Variants in RBFOX1 observed in about 807,000 individuals in gnomAD.
RBFOX1 encodes RNA binding fox-1 homolog 1, also known as RNA binding protein fox-1 homolog 1.
RBFOX1 carries 8 observed loss-of-function variants against 57.7 expected under a neutral mutation model. The observed-to-expected ratio is 0.14, with a 90% CI of 0.08 to 0.25. RBFOX1 has a LOEUF of 0.25. Ranked by LOEUF, RBFOX1 falls within the 10% of genes least tolerant of loss-of-function variation. RBFOX1 has a pLI of 1.00. For synonymous variants in RBFOX1, 326 were observed against 222.4 expected (o/e 1.47, Z -4.15); for missense variants, 611 against 548.5 (o/e 1.11, Z -1.14).
In RBFOX1 at chr16:7,016,507, A is replaced by G. The variant is rs151112698; in HGVS notation, c.-15-35550A>G. Among the ~76,000 whole-genome samples the G allele has an allele frequency of 2.6e-4, 39 of 152,290 alleles. No homozygotes were observed. The East Asian group carries it at 4.6e-3, about 18-fold the overall frequency. ...AACTGCCGTGATAACAGACACAGCC[A>G]CAGTGTATTCAGCACACCTATGTGC... On this transcript the variant is annotated intron_variant, in intron 3 of 15. Transcript: ENST00000550418.
intron 1 of RBFOX1, among the ~76,000 whole-genome samples, chr16:5,451,712 T>C (rs912414803): frequency 4.6e-5 from 7 of 152,236 alleles, no homozygotes; most frequent in Non-Finnish European, 8.8e-5. Context: ...TGATAGGCAG[T>C]GTCTCTTATC....
At chr16:5,882,352 C>G (rs74004673) in intron 4 of RBFOX1, among the ~76,000 whole-genome samples, 1 of 152,234 alleles carries the variant, frequency 6.6e-6, no homozygotes, top group South Asian at 2.1e-4. Context: ...ACAAAGCCTG[C>G]GGATGAGCAA....
At chr16:6,927,236 G>C (rs936853739) in intron 3 of RBFOX1, among the ~76,000 whole-genome samples, 27 of 151,384 alleles carry the variant, frequency 1.8e-4, no homozygotes, top group African/African-American at 5.8e-4. Context: ...GAAGCTGCCA[G>C]TTCCCATCTC....
chr16:6,506,363 C>A (rs1598440082), intron 2 of RBFOX1, among the ~76,000 whole-genome samples: 1 of 151,882 alleles, frequency 6.6e-6, no homozygotes, highest in Non-Finnish European at 1.5e-5. Flanking sequence ...GAAGGCATTG[C>A]AGTATTGAAA....
At chr16:5,659,951 C>T (rs541493529) in intron 3 of RBFOX1, among the ~76,000 whole-genome samples, 1 of 152,274 alleles carries the variant, frequency 6.6e-6, no homozygotes, top group Non-Finnish European at 1.5e-5. Context: ...AATACAGAAG[C>T]ATCAATTGAT....
At chr16:6,757,395 A>G (rs549894536) in intron 3 of RBFOX1, among the ~76,000 whole-genome samples, 3 of 152,330 alleles carry the variant, frequency 2.0e-5, no homozygotes, top group African/African-American at 7.2e-5. Context: ...AAATCAACCT[A>G]AGTATCCATT....
intron 4 of RBFOX1, among the ~76,000 whole-genome samples, chr16:7,512,892 C>T (rs2075479235): frequency 6.6e-6 from 1 of 152,232 alleles, no homozygotes; most frequent in Non-Finnish European, 1.5e-5. Context: ...TAGTCCCTGG[C>T]TTCCTCACAG....
chr16:6,233,248 G>T (rs561087759), intron 1 of RBFOX1, among the ~76,000 whole-genome samples: 1 of 152,272 alleles, frequency 6.6e-6, no homozygotes, highest in South Asian at 2.1e-4. Flanking sequence ...GCACTTGAAA[G>T]GATGAGTTAG....
chr16:5,627,648 GT>G (rs1352791664), intron 3 of RBFOX1, among the ~76,000 whole-genome samples: 4 of 152,072 alleles, frequency 2.6e-5, no homozygotes, highest in Non-Finnish European at 4.4e-5. Context: ...TAGAAGTACA[GT>G]TGCCCCTCTG....
chr16:5,492,337 T>C (rs1431753230), intron 2 of RBFOX1, among the ~76,000 whole-genome samples: 2 of 152,220 alleles, frequency 1.3e-5, no homozygotes, highest in Non-Finnish European at 2.9e-5. Context: ...TAGTACTTCC[T>C]GCACGCCAGG....
intron 3 of RBFOX1, among the ~76,000 whole-genome samples, chr16:6,929,984 A>T (rs1478293891): frequency 6.6e-6 from 1 of 152,154 alleles, no homozygotes; most frequent in Non-Finnish European, 1.5e-5. Context: ...AAACCTGTCC[A>T]GGAAGTAATA....
chr16:6,288,240 GT>G (rs5815296), intron 1 of RBFOX1, among the ~76,000 whole-genome samples: 122,029 of 152,136 alleles, frequency 0.8, 49,113 homozygotes, highest in East Asian at 0.99. Context: ...GGTGTGAACG[GT>G]TTTTTTATAG....
chr16:5,897,913 A>G (rs1195749643), intron 4 of RBFOX1, among the ~76,000 whole-genome samples: 2 of 150,360 alleles, frequency 1.3e-5, no homozygotes, highest in Non-Finnish European at 1.5e-5. Flanking sequence ...ATAATTTTTC[A>G]TAGTCCCCTG....
rs112016927 is a variant in RBFOX1, at chr16:6,536,368, A to G, written c.-63-118235A>G. ...ACCAGCATGCAATTGAGTAGATTCA[A>G]TTGACTCCAAATGTTTTGCACATTC... On this transcript the variant is annotated intron_variant, in intron 2 of 15. Transcript: ENST00000550418. Among the ~76,000 whole-genome samples, 872 of 152,298 alleles carry G rather than the reference A, an allele frequency of 5.7e-3. 11 individuals are homozygous for G. Among genetic ancestry groups the G allele is most frequent in the African/African-American group, 0.019 (803 of 41,554 alleles).
chr16:6,089,904 T>G, intron 1 of RBFOX1, among the ~76,000 whole-genome samples: 1 of 152,236 alleles, frequency 6.6e-6, no homozygotes, highest in Non-Finnish European at 1.5e-5. Flanking sequence ...GCTGCTGTAA[T>G]AAATGATCAC....
At chr16:5,567,782 G>A (rs931894757) in intron 2 of RBFOX1, among the ~76,000 whole-genome samples, 1 of 152,078 alleles carries the variant, frequency 6.6e-6, no homozygotes, top group South Asian at 2.1e-4. Flanking sequence ...CACCTATACT[G>A]ATTAGGTTGA....
In RBFOX1 at chr16:7,180,882, G is replaced by A. The variant is rs538692804; in HGVS notation, c.27+128784G>A. On this transcript the variant is annotated intron_variant, in intron 4 of 15. Transcript: ENST00000550418. ...GACATTGCCACAAAGTATTTGGTTGGCAAACTTTTCCTGCAGAGGGTCAGA... is the reference window on the plus strand; with the variant it reads ...GACATTGCCACAAAGTATTTGGTTGACAAACTTTTCCTGCAGAGGGTCAGA... Among the ~76,000 whole-genome samples, 8 of 152,310 alleles carry A rather than the reference G, an allele frequency of 5.3e-5. No individual in the cohort carries two copies. In the South Asian group the frequency reaches 1.2e-3, roughly 24 times the overall value.
intron 4 of RBFOX1, among the ~76,000 whole-genome samples, chr16:7,462,548 G>C (rs1206523148): frequency 6.6e-6 from 1 of 152,236 alleles, no homozygotes; most frequent in African/African-American, 2.4e-5. Flanking sequence ...AGCTCTGTGG[G>C]TTAGAAGTGT....
intron 4 of RBFOX1, among the ~76,000 whole-genome samples, chr16:7,244,487 G>A (rs936452408): frequency 1.3e-5 from 2 of 152,126 alleles, no homozygotes; most frequent in Non-Finnish European, 2.9e-5. Flanking sequence ...ATCATATTCA[G>A]TTTTCTTAAG....
Sources: gnomAD v4.1 joint callset for allele counts (sites outside exome capture counted in the v4.1 genomes callset) on GRCh38, gnomAD v4.1.1 for gene constraint, MANE v1.5 for transcripts, NCBI Gene and HGNC (gene_info 2026-07-23, HGNC 2026-07-21) for gene names.